The following GLTP variants were observed in gnomAD, a reference collection of about 807,000 sequenced individuals.
GLTP encodes glycolipid transfer protein.
Under a neutral mutation model 24.0 loss-of-function variants are expected in GLTP, and 22 were observed. The ratio of observed to expected loss-of-function variants is 0.92; its 90% CI spans 0.65 to 1.31. The LOEUF (loss-of-function observed/expected upper bound fraction) is 1.31, where lower values mean the gene tolerates loss of function less well. Among genes scored for constraint, GLTP ranks in the 50% most tolerant of loss-of-function variants. The pLI, the probability that GLTP is intolerant of heterozygous loss-of-function variation, is 0.00. For synonymous variants in GLTP, 92 were observed against 115.9 expected (o/e 0.79, Z 1.33); for missense variants, 224 against 276.6 (o/e 0.81, Z 1.35).
chr12:109,865,034 C>T (rs371250111), intron 1 of GLTP, among the ~76,000 whole-genome samples: 2 of 152,136 alleles, frequency 1.3e-5, no homozygotes, highest in South Asian at 4.1e-4. Context: ...AAATTCAAGC[C>T]TGTGCCTGCT....
chr12:109,876,563 G>A (rs1868886693), intron 1 of GLTP, among the ~76,000 whole-genome samples: 1 of 139,562 alleles, frequency 7.2e-6, no homozygotes, highest in Non-Finnish European at 1.5e-5. Flanking sequence ...AAGGAAGGAA[G>A]GAAAGAGAAA....
chr12:109,870,367 G>A (rs934065406), intron 1 of GLTP, among the ~76,000 whole-genome samples: 17 of 152,062 alleles, frequency 1.1e-4, no homozygotes, highest in African/African-American at 4.1e-4. Flanking sequence ...TTGGGAGGCT[G>A]AGGTAAGATA....
chr12:109,880,183 G>T lies in GLTP; in HGVS notation c.103+89C>A. ...GGGAAACAGTACTTAGGGGTGTCTA[G>T]GGCAGAGATGGTTAGGGGATGCTCG... On this transcript the variant is annotated intron_variant, in intron 1 of 4. Transcript: ENST00000318348. The surrounding 1 kb of genome is among the most constrained non-coding windows in gnomAD (Gnocchi z 5.1). The T allele has an allele frequency of 1.3e-6, 1 of 750,558 alleles. No individual in the cohort carries two copies. The highest frequency in any genetic ancestry group is 2.9e-5 in the East Asian group (1 of 33,990). 46.5% of individuals were successfully genotyped at this position (750,558 alleles called of 1,614,324 possible). A position where few individuals can be genotyped will look rare whatever the true frequency, so the allele number is the denominator to read the frequency against.
intron 3 of GLTP, among the ~76,000 whole-genome samples, chr12:109,856,162 G>A (rs1466281720): frequency 6.6e-6 from 1 of 152,170 alleles, no homozygotes; most frequent in Non-Finnish European, 1.5e-5. Flanking sequence ...ACCACAGACT[G>A]TGGATACACT....
At chr12:109,869,559 G>A (rs1057502590) in intron 1 of GLTP, among the ~76,000 whole-genome samples, 27 of 139,866 alleles carry the variant, frequency 1.9e-4, no homozygotes, top group African/African-American at 6.3e-4. Context: ...AGGTTCAAGC[G>A]ATTCCCCAGC....
chr12:109,853,945 T>C (rs907450441), intron 4 of GLTP, among the ~76,000 whole-genome samples: 1 of 151,450 alleles, frequency 6.6e-6, no homozygotes, highest in Non-Finnish European at 1.5e-5. Flanking sequence ...TGTTTTACTA[T>C]ATTGGCCAGG....
intron 1 of GLTP, among the ~76,000 whole-genome samples, chr12:109,860,947 G>A (rs947199495): frequency 1.3e-5 from 2 of 152,146 alleles, no homozygotes; most frequent in African/African-American, 2.4e-5. Flanking sequence ...ACAGATTACC[G>A]GGCTTCCATG....
Position 109,880,154 on chromosome 12 carries a change from C to T in GLTP, c.103+118G>A, listed in dbSNP as rs561849029. ...GTGGAGGGAAAGAGGATCTTGGGTGCCTGGGGAAACAGTACTTAGGGGTGT... is the reference window on the plus strand; with the variant it reads ...GTGGAGGGAAAGAGGATCTTGGGTGTCTGGGGAAACAGTACTTAGGGGTGT... On this transcript the variant is annotated intron_variant, in intron 1 of 4. Transcript: ENST00000318348. The surrounding 1 kb of genome is among the most constrained non-coding windows in gnomAD (Gnocchi z 5.1). The T allele has an allele frequency of 5.0e-6, 3 of 603,108 alleles. No individual in the cohort carries two copies. The highest frequency in any genetic ancestry group is 3.9e-5 in the African/African-American group (2 of 50,816). The allele number at this position is 603,108 out of a possible 1,614,324, so 37.4% of individuals were successfully genotyped here.
At chr12:109,867,395 C>T (rs898067395) in intron 1 of GLTP, among the ~76,000 whole-genome samples, 5 of 152,126 alleles carry the variant, frequency 3.3e-5, no homozygotes, top group African/African-American at 1.2e-4. Flanking sequence ...GCGATCCACC[C>T]ACCTCGGCTT....
chr12:109,864,123 G>C (rs750062344), intron 1 of GLTP, among the ~76,000 whole-genome samples: 1 of 152,212 alleles, frequency 6.6e-6, no homozygotes, highest in Non-Finnish European at 1.5e-5. Flanking sequence ...CCGCTCAACA[G>C]TAGGGGAGGA....
At chr12:109,866,653 G>GATAAAGATGT (rs2136046646) in intron 1 of GLTP, 1 of 152,260 alleles carries the variant, frequency 6.6e-6, no homozygotes, top group South Asian at 2.1e-4. Flanking sequence ...TACGAGTTAT[G>GATAAAGATGT]ATAAAGATGT....
Position 109,880,294 on chromosome 12 carries a change from C to T in GLTP, c.81G>A (p.Val27=). 2.5e-6 allele frequency: 4 copies of T among 1,604,384 alleles called. No homozygotes were observed. The South Asian group carries it at 3.3e-5, about 13-fold the overall frequency. Residue 27 remains valine (V), a synonymous_variant, in exon 1 of 5, where the codon GTG becomes GTA. Transcript: ENST00000318348. The surrounding 1 kb of genome is among the most constrained non-coding windows in gnomAD (Gnocchi z 5.1). ...QIETGPFLEA[V]SHLPPFFDCL... is the part of the protein sequence containing the mutation. ...CACCGAAGAAGGGCGGCAGGTGGGA[C>T]ACCGCCTCGAGGAAGGGCCCGGTCT... is the stretch of plus-strand genomic sequence containing the variant.
rs546602267 is a variant in GLTP at position 109,855,096 on chromosome 12, G to A, written c.447+523C>T. 9.8e-5 allele frequency among the ~76,000 whole-genome samples: 15 copies of A among 152,304 alleles called. No individual in the cohort carries two copies. In the East Asian group the frequency reaches 2.5e-3, roughly 25 times the overall value. ...GTCTCCTGAGCAGGGCTGTCCGCCT[G>A]GTGATCAACTGTAGGGCCCTCACCT... On this transcript the variant is annotated intron_variant, in intron 4 of 4. Transcript: ENST00000318348. This position sits in a 1 kb window ranked among gnomAD's most constrained non-coding sequence, Gnocchi z 4.1.
chr12:109,876,859 C>T (rs115041233), intron 1 of GLTP, among the ~76,000 whole-genome samples: 2,609 of 152,148 alleles, frequency 0.017, 78 homozygotes, highest in African/African-American at 0.059. Context: ...TTCTTTCTTT[C>T]TTTCTTTTTT....
intron 1 of GLTP, among the ~76,000 whole-genome samples, chr12:109,873,569 G>C (rs867802171): frequency 7.9e-5 from 12 of 151,084 alleles, no homozygotes; most frequent in Middle Eastern, 6.9e-3. Flanking sequence ...AGGACGCAGA[G>C]GTTGCAGTGA....
rs1892828029 is a variant in GLTP at position 109,858,316 on chromosome 12, C to T, written c.162+367G>A. The T allele has an allele frequency of 2.1e-5, 9 of 432,964 alleles. 1 individual carries two copies. The highest frequency in any genetic ancestry group is 1.3e-4 in the South Asian group (8 of 59,856). 26.8% of individuals were successfully genotyped at this position (432,964 alleles called of 1,614,324 possible). ...GTGGATTCTCACAGGCAGTCTATGGCTGGGGAGGCGGCATCAGGAACTACC... is the reference window on the plus strand; with the variant it reads ...GTGGATTCTCACAGGCAGTCTATGGTTGGGGAGGCGGCATCAGGAACTACC... On this transcript the variant is annotated intron_variant, in intron 2 of 4. Coordinates refer to ENST00000318348, the MANE Select transcript of GLTP (RefSeq NM_016433.4).
chr12:109,860,875 C>G (rs534431069), intron 1 of GLTP, among the ~76,000 whole-genome samples: 2 of 152,334 alleles, frequency 1.3e-5, no homozygotes, highest in East Asian at 3.9e-4. Flanking sequence ...CCCTTACATG[C>G]AGGAAGTATG....
chr12:109,857,472 T>C lies in GLTP; in HGVS notation c.296+54A>G. Reference sequence around the variant, plus strand: ...TGACACTGCGGAACAGTGACAGGTTTGCTTTCCCTCCTCTGCAGCACAGAG... The same window carrying C: ...TGACACTGCGGAACAGTGACAGGTTCGCTTTCCCTCCTCTGCAGCACAGAG... On this transcript the variant is annotated intron_variant, in intron 3 of 4. Coordinates refer to ENST00000318348, the MANE Select transcript of GLTP (RefSeq NM_016433.4). The surrounding 1 kb of genome is among the most constrained non-coding windows in gnomAD (Gnocchi z 4.3). 1 of 1,595,394 alleles carries C rather than the reference T, an allele frequency of 6.3e-7. No homozygotes were observed. Among genetic ancestry groups the C allele is most frequent in the Non-Finnish European group, 8.6e-7 (1 of 1,167,638 alleles).
intron 1 of GLTP, among the ~76,000 whole-genome samples, chr12:109,864,792 T>C (rs1414647711): frequency 1.3e-5 from 2 of 152,210 alleles, no homozygotes; most frequent in African/African-American, 4.8e-5. Flanking sequence ...AAGACGATTT[T>C]AATTCCCAAG....
Sources: allele counts gnomAD v4.1 joint callset (sites outside exome capture counted in the v4.1 genomes callset), GRCh38; gene constraint gnomAD v4.1.1; non-coding constraint Gnocchi (gnomAD v3.1); transcripts MANE v1.5; gene names NCBI Gene and HGNC (gene_info 2026-07-23, HGNC 2026-07-21).